RALGPS1: variants seen among roughly 807,000 people sequenced by gnomAD.
RALGPS1 encodes ras-specific guanine nucleotide-releasing factor RalGPS1.
Under a neutral mutation model 78.8 loss-of-function variants are expected in RALGPS1, and 19 were observed. That is an observed-to-expected ratio of 0.24 (90% CI 0.17 to 0.35). RALGPS1 has a LOEUF of 0.35. Among genes scored for constraint, RALGPS1 ranks in the 10% least tolerant of loss-of-function variants. The probability of loss-of-function intolerance (pLI) is 1.00; values close to 1 mark genes in which losing one functional copy is unlikely to be tolerated. For missense variants in RALGPS1, 454 were observed against 688.3 expected, an observed-to-expected ratio of 0.66 and a Z score of 3.81; for synonymous variants, 228 against 256.3, an observed-to-expected ratio of 0.89 and a Z score of 1.06.
intron 4 of RALGPS1, among the ~76,000 whole-genome samples, chr9:127,000,606 A>G (rs1029951370): frequency 9.0e-5 from 11 of 122,202 alleles, no homozygotes; most frequent in African/African-American, 3.5e-4. Context: ...TGGAGTGCAA[A>G]GGTACTATCT....
At chr9:127,076,149 A>C (rs997671751) in intron 8 of RALGPS1, among the ~76,000 whole-genome samples, 10 of 152,278 alleles carry the variant, frequency 6.6e-5, no homozygotes, top group African/African-American at 2.4e-4. Flanking sequence ...ATCTGATAGC[A>C]GCTCCTTGCA....
chr9:126,941,853 T>A (rs1394547105), intron 1 of RALGPS1, among the ~76,000 whole-genome samples: 2 of 152,264 alleles, frequency 1.3e-5, no homozygotes, highest in Non-Finnish European at 2.9e-5. Flanking sequence ...TTTCAAGTGT[T>A]TTCCTGGCTT....
chr9:127,164,517 G>A (rs1027807463), intron 8 of RALGPS1, among the ~76,000 whole-genome samples: 3 of 139,200 alleles, frequency 2.2e-5, no homozygotes, highest in Middle Eastern at 4.3e-3. Context: ...TTACAGGCAT[G>A]AGCCACCATG....
chr9:126,916,968 C>T (rs2034234362), intron 1 of RALGPS1, among the ~76,000 whole-genome samples: 2 of 152,136 alleles, frequency 1.3e-5, no homozygotes, highest in Non-Finnish European at 2.9e-5. Context: ...GGTAGTTGAC[C>T]AGTCCAAACT....
intron 8 of RALGPS1, among the ~76,000 whole-genome samples, chr9:127,092,430 A>G (rs918946914): frequency 2.4e-4 from 36 of 151,870 alleles, no homozygotes; most frequent in Non-Finnish European, 7.4e-5. Flanking sequence ...CTAGGTCTAA[A>G]ACCCAGTGGT....
intron 8 of RALGPS1, among the ~76,000 whole-genome samples, chr9:127,164,389 C>T (rs1040490054): frequency 9.2e-5 from 14 of 151,948 alleles, no homozygotes; most frequent in Admixed American, 6.6e-4. Context: ...GCGCCCACCA[C>T]CACACGTGAC....
At chr9:127,072,061 T>C (rs965097910) in intron 8 of RALGPS1, among the ~76,000 whole-genome samples, 1 of 152,260 alleles carries the variant, frequency 6.6e-6, no homozygotes, top group African/African-American at 2.4e-5. Context: ...AGAAATTTCA[T>C]ATAAATCCAA....
At chr9:126,996,517 C>A (rs1008579279) in intron 4 of RALGPS1, among the ~76,000 whole-genome samples, 10 of 152,110 alleles carry the variant, frequency 6.6e-5, no homozygotes, top group African/African-American at 1.9e-4. Flanking sequence ...CAATAACAGG[C>A]TCTGAAATTG....
chr9:127,128,892 A>G (rs2056816077), intron 8 of RALGPS1, among the ~76,000 whole-genome samples: 2 of 152,192 alleles, frequency 1.3e-5, no homozygotes, highest in Admixed American at 1.3e-4. Context: ...TGGCCAAACA[A>G]GTATATCCAA....
rs1564740315 is a variant in RALGPS1 at position 127,183,147 on chromosome 9, CG to C, written c.910+8366del. On this transcript the variant is annotated intron_variant, in intron 11 of 18. Coordinates refer to ENST00000259351, the MANE Select transcript of RALGPS1 (RefSeq NM_014636.3). The surrounding 1 kb of genome is among the most constrained non-coding windows in gnomAD (Gnocchi z 4.0). Reference sequence around the variant, plus strand: ...GGTGCTAAGCCATTCATGAAGGATCCGCCCCCGACCCAGTCACCCCACCAGG... The same window carrying C: ...GGTGCTAAGCCATTCATGAAGGATCCCCCCCGACCCAGTCACCCCACCAGG... 6.6e-6 allele frequency among the ~76,000 whole-genome samples: 1 copy of C among 150,424 alleles called. No individual in the cohort carries two copies. The highest frequency in any genetic ancestry group is 1.5e-5 in the Non-Finnish European group (1 of 67,606).
chr9:126,996,147 C>G (rs1046595080), intron 4 of RALGPS1, among the ~76,000 whole-genome samples: 2 of 152,100 alleles, frequency 1.3e-5, no homozygotes, highest in African/African-American at 2.4e-5. Context: ...CAAACACATT[C>G]AAAAGCTAGC....
Position 127,199,040 on chromosome 9 carries a change from T to G in RALGPS1, c.1221T>G (p.Ser407Arg). The G allele has an allele frequency of 1.2e-6, 2 of 1,614,094 alleles. No homozygotes were observed. Among genetic ancestry groups the G allele is most frequent in the Non-Finnish European group, 1.7e-6 (2 of 1,179,942 alleles). ...SLGSSESSEF[S>R]EEMSSGLESP... The stretch of plus-strand genomic sequence containing the variant: ...GCAGTAGTGAGAGCTCAGAGTTTAG[T>G]GAAGAGATGTCTTCAGGGCTGGAAA... Residue 407 changes from serine (S) to arginine (R), a missense_variant, in exon 14 of 19, where the codon AGT becomes AGG. Ser to Arg is a moderately radical substitution (Grantham distance 110). Transcript: ENST00000259351.
chr9:126,990,073 A>C, intron 4 of RALGPS1: 1 of 1,513,304 alleles, frequency 6.6e-7, no homozygotes, highest in Non-Finnish European at 8.9e-7. Context: ...AGCCGAGGTC[A>C]ATGTTGGACG....
chr9:126,949,498 T>C (rs1284328104), intron 1 of RALGPS1, among the ~76,000 whole-genome samples: 5 of 152,170 alleles, frequency 3.3e-5, no homozygotes, highest in Non-Finnish European at 7.4e-5. Flanking sequence ...TTTTAATGAT[T>C]GCCATTCTAA....
intron 8 of RALGPS1, among the ~76,000 whole-genome samples, chr9:127,113,699 C>T (rs1245480985): frequency 2.0e-5 from 3 of 152,228 alleles, no homozygotes; most frequent in South Asian, 2.1e-4. Context: ...TTCCATCACG[C>T]ATGGGTTTTC....
At position 127,218,963 on chromosome 9, in the gene RALGPS1, G is replaced by A. The variant is rs537058287; in HGVS notation, c.*194G>A. On this transcript the variant is annotated 3_prime_UTR_variant, in exon 19 of 19. Transcript: ENST00000259351. This position sits in a 1 kb window ranked among gnomAD's most constrained non-coding sequence, Gnocchi z 4.4. The stretch of plus-strand genomic sequence containing the variant: ...TGGGATCCACCTGTCAGTCCCCAGC[G>A]ACTCTCATGACACTCATTCTGCAGC... 22 of 641,212 alleles carry A rather than the reference G, an allele frequency of 3.4e-5. No homozygotes were observed. In the East Asian group the frequency reaches 4.5e-4, roughly 13 times the overall value. The allele number at this position is 641,212 out of a possible 1,614,324, so 39.7% of individuals were successfully genotyped here. A position where few individuals can be genotyped will look rare whatever the true frequency, so the allele number is the denominator to read the frequency against.
intron 5 of RALGPS1, among the ~76,000 whole-genome samples, chr9:127,035,838 A>G (rs563209348): frequency 6.6e-6 from 1 of 152,254 alleles, no homozygotes; most frequent in Non-Finnish European, 1.5e-5. Flanking sequence ...AGAAGTTCCA[A>G]AGTCTTTTGC....
At chr9:127,064,490 T>G (rs1236792311) in intron 7 of RALGPS1, among the ~76,000 whole-genome samples, 1 of 152,242 alleles carries the variant, frequency 6.6e-6, no homozygotes, top group East Asian at 1.9e-4. Flanking sequence ...ACTGAAAGGT[T>G]TAGTGAAACA....
At chr9:126,965,644 G>T (rs979627660) in intron 2 of RALGPS1, among the ~76,000 whole-genome samples, 200 bp from the exon 3 acceptor site, 2 of 152,168 alleles carry the variant, frequency 1.3e-5, no homozygotes, top group African/African-American at 2.4e-5. Flanking sequence ...TACTCATAGG[G>T]CACATGTGAG....
Sources: allele counts gnomAD v4.1 joint callset (sites outside exome capture counted in the v4.1 genomes callset), GRCh38; gene constraint gnomAD v4.1.1; non-coding constraint Gnocchi (gnomAD v3.1); transcripts MANE v1.5; gene names NCBI Gene and HGNC (gene_info 2026-07-23, HGNC 2026-07-21).